Variants in USP8 observed in about 807,000 individuals in gnomAD.
USP8 encodes ubiquitin specific peptidase 8, also known as ubiquitin carboxyl-terminal hydrolase 8.
In USP8, 27 loss-of-function variants were observed where a neutral mutation model predicts 130.0. The ratio of observed to expected loss-of-function variants is 0.21; its 90% CI spans 0.15 to 0.29. The LOEUF is 0.29. Among genes scored for constraint, USP8 ranks in the 10% least tolerant of loss-of-function variants. USP8 has a pLI of 1.00. For missense variants in USP8, 1,029 were observed against 1,312.2 expected, an observed-to-expected ratio of 0.78 and a Z score of 3.33; for synonymous variants, 392 against 444.1, an observed-to-expected ratio of 0.88 and a Z score of 1.48.
rs73405131 is a variant in USP8 at position 50,499,364 on chromosome 15, G to A, written c.*276G>A. On this transcript the variant is annotated 3_prime_UTR_variant, in exon 20 of 20. Coordinates refer to ENST00000307179, the MANE Select transcript of USP8 (RefSeq NM_005154.5). ...ATTAACTAGCTAAGCATTATTATTCGACTGGTCTAAAAACTATTGTTATCT... is the reference window on the plus strand; with the variant it reads ...ATTAACTAGCTAAGCATTATTATTCAACTGGTCTAAAAACTATTGTTATCT... The A allele has an allele frequency of 0.01, 2,784 of 266,704 alleles. 80 individuals carry two copies. Among genetic ancestry groups the A allele is most frequent in the African/African-American group, 0.058 (2,603 of 44,830 alleles). 16.5% of individuals were successfully genotyped at this position (266,704 alleles called of 1,614,324 possible).
At chr15:50,455,419 T>C (rs2050760090) in intron 4 of USP8, among the ~76,000 whole-genome samples, 1 of 143,350 alleles carries the variant, frequency 7.0e-6, no homozygotes, top group Admixed American at 6.9e-5. Context: ...ATAGCGTCTA[T>C]TATTTTTTTA....
intron 1 of USP8, chr15:50,427,027 C>G (rs950779299): frequency 1.3e-5 from 2 of 149,818 alleles, no homozygotes; most frequent in Non-Finnish European, 3.0e-5. Context: ...GATCTCAGCT[C>G]ACTGCAACCT....
chr15:50,491,044 T>C (rs996023835), intron 14 of USP8, among the ~76,000 whole-genome samples: 11 of 152,224 alleles, frequency 7.2e-5, no homozygotes, highest in Admixed American at 1.3e-4. Flanking sequence ...TTTACAAATA[T>C]TGACCAATAG....
chr15:50,454,343 G>A (rs567415788), intron 4 of USP8, among the ~76,000 whole-genome samples: 30 of 152,130 alleles, frequency 2.0e-4, no homozygotes, highest in African/African-American at 6.0e-4. Context: ...CTCTACATAC[G>A]ATAGACTTTT....
chr15:50,460,221 C>A (rs1401914195), intron 5 of USP8, among the ~76,000 whole-genome samples: 1 of 150,498 alleles, frequency 6.6e-6, no homozygotes, highest in African/African-American at 2.4e-5. Flanking sequence ...TGGTCTCGAA[C>A]TCCTGACCTC....
Position 50,481,965 on chromosome 15 carries a change from T to A in USP8, c.1703T>A (p.Val568Glu), listed in dbSNP as rs747360459. Residue 568 changes from valine to glutamate, a missense_variant, in exon 11 of 20, where the codon GTA becomes GAA. Coordinates refer to ENST00000307179, the MANE Select transcript of USP8 (RefSeq NM_005154.5). ...GAAACTTCTGATGCCAAGAAATCTG[T>A]AGAAGATAGGGGGAAAAGGTGTCCA... Reference protein sequence around the residue: ...EHETSDAKKSVEDRGKRCPTP... With the variant: ...EHETSDAKKSEEDRGKRCPTP... The A allele has an allele frequency of 1.6e-5, 25 of 1,605,406 alleles. No homozygotes were observed. The highest frequency in any genetic ancestry group is 2.0e-5 in the Non-Finnish European group (24 of 1,177,854).
chr15:50,486,500 G>GA (rs1347930603), intron 12 of USP8, among the ~76,000 whole-genome samples: 2 of 151,674 alleles, frequency 1.3e-5, no homozygotes, highest in African/African-American at 4.8e-5. Context: ...AACAAAAGGG[G>GA]AAAAAATGAC....
intron 12 of USP8, among the ~76,000 whole-genome samples, chr15:50,486,810 G>T (rs1033375118): frequency 1.3e-5 from 2 of 152,148 alleles, no homozygotes; most frequent in Admixed American, 1.3e-4. Context: ...GGTGATGGGT[G>T]CACTAAAATC....
chr15:50,444,072 GT>G (rs947345087), intron 3 of USP8, among the ~76,000 whole-genome samples: 57 of 124,214 alleles, frequency 4.6e-4, no homozygotes, highest in Non-Finnish European at 4.0e-4. Flanking sequence ...TAGTTTTGTT[GT>G]TTGCTGTTTT....
chr15:50,432,063 G>A (rs1277450160), intron 1 of USP8, among the ~76,000 whole-genome samples: 2 of 152,130 alleles, frequency 1.3e-5, no homozygotes, highest in African/African-American at 4.8e-5. Flanking sequence ...GGATTTTAAA[G>A]CCTTATAGTA....
intron 15 of USP8, chr15:50,493,747 C>T (rs2052266734): frequency 2.5e-6 from 1 of 407,074 alleles, no homozygotes; most frequent in African/African-American, 2.1e-5. Flanking sequence ...GACCCTATCT[C>T]AAAAAAGAGT....
intron 10 of USP8, among the ~76,000 whole-genome samples, chr15:50,480,036 C>T (rs1330121684): frequency 6.6e-6 from 1 of 152,200 alleles, no homozygotes; most frequent in Non-Finnish European, 1.5e-5. Flanking sequence ...GCTGGTATTA[C>T]AGGCGTGAGT....
At chr15:50,478,299 TA>T (rs910324399) in intron 10 of USP8, among the ~76,000 whole-genome samples, 6 of 152,176 alleles carry the variant, frequency 3.9e-5, no homozygotes, top group African/African-American at 1.4e-4. Flanking sequence ...ACATTACAAA[TA>T]AAAAAATTTT....
intron 12 of USP8, among the ~76,000 whole-genome samples, chr15:50,486,076 A>C (rs890276230): frequency 7.2e-5 from 11 of 152,062 alleles, no homozygotes; most frequent in African/African-American, 2.7e-4. Context: ...ATCCAATCTA[A>C]ATCTATGTGA....
Position 50,503,629 on chromosome 15 carries a change from T to C in USP8, c.*4541T>C, listed in dbSNP as rs912726686. The C allele has an allele frequency of 3.9e-5, 6 of 152,220 alleles. No homozygotes were observed. Among genetic ancestry groups the C allele is most frequent in the African/African-American group, 1.4e-4 (6 of 41,454 alleles). The allele number at this position is 152,220 out of a possible 1,614,324, so 9.4% of individuals were successfully genotyped here. A position where few individuals can be genotyped will look rare whatever the true frequency, so the allele number is the denominator to read the frequency against. On this transcript the variant is annotated 3_prime_UTR_variant, in exon 20 of 20. Coordinates refer to ENST00000307179, the MANE Select transcript of USP8 (RefSeq NM_005154.5). ...AGAGAATAAAAGTCATTCCTGGGAA[T>C]TTGTCACCATAGACCTACCTTTTCA... is the stretch of plus-strand genomic sequence containing the variant.
At chr15:50,468,342 C>A (rs1342517300) in intron 7 of USP8, among the ~76,000 whole-genome samples, 1 of 148,368 alleles carries the variant, frequency 6.7e-6, no homozygotes, top group African/African-American at 2.5e-5. Flanking sequence ...TTCAATTGAT[C>A]CTCATGTCTC....
chr15:50,466,933 C>T, intron 7 of USP8: 2 of 426,230 alleles, frequency 4.7e-6, no homozygotes, highest in Non-Finnish European at 9.0e-6. Flanking sequence ...AGAATCGCTA[C>T]AAGAAAAACT....
At chr15:50,444,368 G>A (rs1357861352) in intron 3 of USP8, among the ~76,000 whole-genome samples, 2 of 149,794 alleles carry the variant, frequency 1.3e-5, no homozygotes, top group Non-Finnish European at 3.0e-5. Context: ...GCCTCCCAAA[G>A]TGCTGGGATT....
chr15:50,483,198 A>AG (rs1336597482), intron 11 of USP8, among the ~76,000 whole-genome samples: 2 of 152,214 alleles, frequency 1.3e-5, no homozygotes, highest in Non-Finnish European at 1.5e-5. Flanking sequence ...TGAAGTTTAG[A>AG]GGTTAAGTAT....
Sources: gnomAD v4.1 joint callset for allele counts (sites outside exome capture counted in the v4.1 genomes callset) on GRCh38, gnomAD v4.1.1 for gene constraint, MANE v1.5 for transcripts, NCBI Gene and HGNC (gene_info 2026-07-23, HGNC 2026-07-21) for gene names.